RERE: variants seen among roughly 807,000 people sequenced by gnomAD.
The protein encoded by RERE is arginine-glutamic acid dipeptide repeats.
A neutral mutation model predicts 146.1 loss-of-function variants in RERE; 40 were observed. That is an observed-to-expected ratio of 0.27 (90% CI 0.21 to 0.36). The LOEUF is 0.36. RERE is among the 10% of genes least tolerant of loss of function. RERE has a pLI of 1.00. For synonymous variants in RERE, 1,003 were observed against 866.0 expected (o/e 1.16, Z -2.78); for missense variants, 1,933 against 2,138.7 (o/e 0.90, Z 1.90).
At chr1:8,810,099 G>A (rs971439517) in intron 1 of RERE, among the ~76,000 whole-genome samples, 6 of 151,314 alleles carry the variant, frequency 4.0e-5, no homozygotes, top group South Asian at 2.1e-4. Context: ...TCCGCCTCCC[G>A]GGTTCAAGCG....
intron 1 of RERE, among the ~76,000 whole-genome samples, chr1:8,729,859 T>G (rs1640047009): frequency 6.6e-6 from 1 of 152,210 alleles, no homozygotes; most frequent in Non-Finnish European, 1.5e-5. Context: ...TCCCATATGA[T>G]GGTTCACATC....
intron 4 of RERE, among the ~76,000 whole-genome samples, chr1:8,585,464 C>A (rs921989374): frequency 6.6e-6 from 1 of 152,098 alleles, no homozygotes; most frequent in Non-Finnish European, 1.5e-5. Context: ...TATGCTCTTG[C>A]GATAACATCT....
intron 7 of RERE, chr1:8,525,842 A>C: frequency 6.5e-7 from 1 of 1,529,664 alleles, no homozygotes; most frequent in Non-Finnish European, 8.7e-7. Flanking sequence ...TTTCTGCTAA[A>C]ACTCTGCCCT....
chr1:8,635,895 A>C (rs1647092420), intron 2 of RERE, among the ~76,000 whole-genome samples: 2 of 152,226 alleles, frequency 1.3e-5, no homozygotes, highest in Non-Finnish European at 2.9e-5. Flanking sequence ...TTCACAATCT[A>C]ATATAAGAGG....
intron 4 of RERE, among the ~76,000 whole-genome samples, chr1:8,564,526 T>C (rs1253685864): frequency 6.6e-6 from 1 of 152,210 alleles, no homozygotes; most frequent in Non-Finnish European, 1.5e-5. Flanking sequence ...GCCCAACCTG[T>C]ATTTATTTAC....
chr1:8,404,646 T>C (rs750056646), intron 12 of RERE, among the ~76,000 whole-genome samples: 31 of 152,240 alleles, frequency 2.0e-4, no homozygotes, highest in Admixed American at 1.8e-3. Context: ...ACAGTAATTG[T>C]TGACTAAACT....
intron 1 of RERE, among the ~76,000 whole-genome samples, chr1:8,704,207 T>A (rs914237864): frequency 1.3e-5 from 2 of 152,152 alleles, no homozygotes; most frequent in Non-Finnish European, 2.9e-5. Context: ...TGGTAAAAAA[T>A]ATATATATCA....
chr1:8,647,255 C>T (rs189325431), intron 2 of RERE, among the ~76,000 whole-genome samples: 4 of 152,134 alleles, frequency 2.6e-5, no homozygotes, highest in Admixed American at 1.3e-4. Context: ...ATAAGATTAA[C>T]GTTGATTAAA....
intron 6 of RERE, among the ~76,000 whole-genome samples, chr1:8,541,919 G>A (rs1214746859): frequency 6.6e-6 from 1 of 152,090 alleles, no homozygotes; most frequent in African/African-American, 2.4e-5. Flanking sequence ...AACTTTAAAT[G>A]GCTATAAGGT....
intron 8 of RERE, among the ~76,000 whole-genome samples, chr1:8,504,863 A>T (rs1311925997): frequency 6.6e-6 from 1 of 152,176 alleles, no homozygotes; most frequent in African/African-American, 2.4e-5. Context: ...AAAAAAAAAA[A>T]ATAAATGATC....
chr1:8,662,022 C>G (rs549245211), intron 1 of RERE, among the ~76,000 whole-genome samples: 209 of 152,292 alleles, frequency 1.4e-3, no homozygotes, highest in Non-Finnish European at 2.3e-3. Flanking sequence ...ATATTCCTCT[C>G]AATCATTTCC....
chr1:8,703,028 C>T (rs867177781), intron 1 of RERE: 15 of 152,090 alleles, frequency 9.9e-5, no homozygotes, highest in African/African-American at 3.4e-4. Context: ...GCGTCCCCCT[C>T]GACGCACGAG....
At chr1:8,400,061 T>C (rs1464257560) in intron 12 of RERE, among the ~76,000 whole-genome samples, 2 of 152,154 alleles carry the variant, frequency 1.3e-5, no homozygotes, top group Non-Finnish European at 2.9e-5. Context: ...TTCTACTTTG[T>C]TGGTGGTGGT....
intron 11 of RERE, among the ~76,000 whole-genome samples, chr1:8,464,137 T>G (rs1404359072): frequency 6.6e-6 from 1 of 152,208 alleles, no homozygotes; most frequent in African/African-American, 2.4e-5. Flanking sequence ...AATAATAACG[T>G]TAAGATTTTT....
At chr1:8,422,299 C>T (rs1394529043) in intron 12 of RERE, among the ~76,000 whole-genome samples, 4 of 152,148 alleles carry the variant, frequency 2.6e-5, no homozygotes, top group Non-Finnish European at 5.9e-5. Flanking sequence ...TGGAAAAAAT[C>T]CCCCAGAACT....
In RERE at chr1:8,586,686, G is replaced by C. The variant is rs141111916; in HGVS notation, c.522+27875C>G. On this transcript the variant is annotated intron_variant, in intron 4 of 22. Transcript: ENST00000400908. ...ATGCCACAGATGCACTATATGAGCA[G>C]ATAAAAGATGGATTTTAACCAATGC... Among the ~76,000 whole-genome samples the C allele has an allele frequency of 3.9e-5, 6 of 152,282 alleles. No individual in the cohort carries two copies. The East Asian group carries it at 1.2e-3, about 29-fold the overall frequency.
intron 1 of RERE, among the ~76,000 whole-genome samples, chr1:8,670,263 G>A (rs1000211107): frequency 1.1e-4 from 17 of 152,222 alleles, no homozygotes; most frequent in African/African-American, 3.9e-4. Context: ...GGCAGGAGAA[G>A]TCCCAGGACC....
chr1:8,567,477 ACT>A (rs1392384338), intron 4 of RERE, among the ~76,000 whole-genome samples: 1 of 152,148 alleles, frequency 6.6e-6, no homozygotes, highest in African/African-American at 2.4e-5. Context: ...TTTCAAAACC[ACT>A]GTTTCTTGAT....
chr1:8,528,524 A>G (rs1645597840), intron 7 of RERE, among the ~76,000 whole-genome samples: 2 of 152,160 alleles, frequency 1.3e-5, no homozygotes, highest in Non-Finnish European at 2.9e-5. Context: ...TGTGATGTCT[A>G]TATTTCATTC....
Sources: gnomAD v4.1 joint callset for allele counts (sites outside exome capture counted in the v4.1 genomes callset) on GRCh38, gnomAD v4.1.1 for gene constraint, MANE v1.5 for transcripts, NCBI Gene and HGNC (gene_info 2026-07-23, HGNC 2026-07-21) for gene names.